ZNF667: variants seen among roughly 807,000 people sequenced by gnomAD.
ZNF667 encodes myocardial ischemic preconditioning upregulated 1 ortholog.
ZNF667 carries 13 observed loss-of-function variants against 31.8 expected under a neutral mutation model. The ratio of observed to expected loss-of-function variants is 0.41; its 90% confidence interval spans 0.27 to 0.65. The LOEUF is 0.65. Ranked by LOEUF, ZNF667 falls within the 30% of genes least tolerant of loss-of-function variation. The pLI is 0.32. For missense variants in ZNF667, 642 were observed against 725.6 expected (o/e 0.88, Z 1.32); for synonymous variants, 228 against 247.1 (o/e 0.92, Z 0.73).
intron 6 of ZNF667, among the ~76,000 whole-genome samples, chr19:56,447,131 C>T (rs1439714769): frequency 6.7e-6 from 1 of 149,692 alleles, no homozygotes; most frequent in Non-Finnish European, 1.5e-5. Context: ...AATGCCAATA[C>T]TTCCAATCAC....
chr19:56,441,176 C>G lies in ZNF667; in HGVS notation c.1819G>C (p.Glu607Gln). 6.2e-7 allele frequency: 1 copy of G among 1,601,320 alleles called. No individual in the cohort carries two copies. The highest frequency in any genetic ancestry group is 1.7e-4 in the Middle Eastern group (1 of 5,968). The part of the protein sequence containing the change: ...SLIRHQNTHS[E>Q]EKA ...TTAAAACAACCTTAGGCTTTTTCTTCAGAATGTGTATTCTGATGTCGAATC... is the reference window on the plus strand; with the variant it reads ...TTAAAACAACCTTAGGCTTTTTCTTGAGAATGTGTATTCTGATGTCGAATC... The change falls in exon 7 of 7, where the codon GAA (glutamate) becomes CAA (glutamine). Residue 607 changes from glutamate to glutamine, a missense_variant. Physicochemically the swap from Glu to Gln is conservative, Grantham distance 29. Coordinates refer to ENST00000504904, the MANE Select transcript of ZNF667 (RefSeq NM_001321356.2). The surrounding 1 kb of genome is among the most constrained non-coding windows in gnomAD (Gnocchi z 4.2).
chr19:56,459,209 T>C (rs2042994021), intron 5 of ZNF667, among the ~76,000 whole-genome samples: 1 of 152,196 alleles, frequency 6.6e-6, no homozygotes, highest in African/African-American at 2.4e-5. Flanking sequence ...TTATAGCCAG[T>C]AGAGTTGTTA....
At chr19:56,452,977 A>C (rs981371477) in intron 6 of ZNF667, among the ~76,000 whole-genome samples, 1 of 152,134 alleles carries the variant, frequency 6.6e-6, no homozygotes, top group Non-Finnish European at 1.5e-5. Context: ...AAACATAAAC[A>C]GAATTGACAA....
At chr19:56,465,490 A>G (rs1267091373) in intron 3 of ZNF667, among the ~76,000 whole-genome samples, 1 of 152,272 alleles carries the variant, frequency 6.6e-6, no homozygotes, top group East Asian at 1.9e-4. Flanking sequence ...AATTATTAAC[A>G]AGATGAATAA....
rs762491844 is a variant in ZNF667, at chr19:56,442,706, G to A, written c.289C>T (p.Pro97Ser). Residue 97 changes from proline (P) to serine (S), a missense_variant, in exon 7 of 7, where the codon CCA (proline) becomes TCA (serine). Physicochemically the swap from Pro to Ser is moderately conservative, Grantham distance 74. Transcript: ENST00000504904. ...GSKCETKKLPPNQCNKSGQSI... is the reference protein window; with the variant it reads ...GSKCETKKLPSNQCNKSGQSI... ...TGCCCAGATTTGTTGCATTGATTTGGAGGTAACTTCTTGGTCTCACATTTA... is the reference window on the plus strand; with the variant it reads ...TGCCCAGATTTGTTGCATTGATTTGAAGGTAACTTCTTGGTCTCACATTTA... 1 of 1,602,776 alleles carries A rather than the reference G, an allele frequency of 6.2e-7. No individual in the cohort carries two copies. The highest frequency in any genetic ancestry group is 1.3e-5 in the African/African-American group (1 of 74,382).
intron 2 of ZNF667, chr19:56,472,520 T>G (rs1045467313): frequency 2.0e-5 from 3 of 152,218 alleles, no homozygotes; most frequent in Non-Finnish European, 2.9e-5. Flanking sequence ...GCCTCCCCCT[T>G]CCGGCTCCTC....
chr19:56,464,722 C>G (rs763605769), intron 3 of ZNF667, among the ~76,000 whole-genome samples: 69 of 152,256 alleles, frequency 4.5e-4, no homozygotes, highest in East Asian at 1.7e-3. Context: ...GTACCTCCCC[C>G]CTCCCTAAAC....
At chr19:56,472,834 C>A (rs1277968766) in intron 2 of ZNF667, 1 of 152,128 alleles carries the variant, frequency 6.6e-6, no homozygotes, top group Non-Finnish European at 1.5e-5. Flanking sequence ...GGATTTTCTA[C>A]AGTACAGGGG....
At chr19:56,473,579 A>C (rs2043339149) in intron 2 of ZNF667, among the ~76,000 whole-genome samples, 1 of 152,188 alleles carries the variant, frequency 6.6e-6, no homozygotes, top group African/African-American at 2.4e-5. Flanking sequence ...GGAAAACTGC[A>C]ATGTCTGAGG....
Position 56,448,270 on chromosome 19 carries a change from C to T in ZNF667, c.254-5529G>A, listed in dbSNP as rs1300894833. The stretch of plus-strand genomic sequence containing the variant: ...ACGTGGGGCAGAATTTGGCCAGCAC[C>T]CCCAGAGGAAGCATTTAAATCAGCT... On this transcript the variant is annotated intron_variant, in intron 6 of 6. Transcript: ENST00000504904. Among the ~76,000 whole-genome samples, 3 of 152,042 alleles carry T rather than the reference C, an allele frequency of 2.0e-5. No individual in the cohort carries two copies. The East Asian group carries it at 5.8e-4, about 29-fold the overall frequency.
chr19:56,458,816 CT>C (rs2147768816), intron 5 of ZNF667, among the ~76,000 whole-genome samples: 1 of 152,318 alleles, frequency 6.6e-6, no homozygotes, highest in African/African-American at 2.4e-5. Flanking sequence ...GGCTGTTCAA[CT>C]GCATCCTCTG....
intron 6 of ZNF667, among the ~76,000 whole-genome samples, chr19:56,448,432 A>G (rs1236419592): frequency 1.3e-5 from 2 of 152,080 alleles, no homozygotes; most frequent in East Asian, 3.9e-4. Flanking sequence ...TCCTGGGCAA[A>G]TCCTAGTGCT....
intron 6 of ZNF667, among the ~76,000 whole-genome samples, chr19:56,451,848 G>A (rs1454603050): frequency 2.6e-5 from 3 of 115,518 alleles, no homozygotes; most frequent in Non-Finnish European, 4.9e-5. Flanking sequence ...CAGCCTGGGT[G>A]ACAGAGCAAG....
At chr19:56,475,275 T>C (rs1175452562) in intron 1 of ZNF667, 3 of 152,202 alleles carry the variant, frequency 2.0e-5, no homozygotes, top group South Asian at 2.1e-4. Flanking sequence ...GCCCAATCCA[T>C]GGTAGGCACT....
Position 56,442,488 on chromosome 19 carries a change from C to T in ZNF667, c.507G>A (p.Glu169=), listed in dbSNP as rs2042631020. 6.2e-7 allele frequency: 1 copy of T among 1,613,568 alleles called. No individual in the cohort carries two copies. The highest frequency in any genetic ancestry group is 8.5e-7 in the Non-Finnish European group (1 of 1,179,776). Reference sequence around the variant, plus strand: ...TACAATTACTGCATTCAAAAGGCTTCTCTCCTGTATGAATGTTCTGATGAA... The same window carrying T: ...TACAATTACTGCATTCAAAAGGCTTTTCTCCTGTATGAATGTTCTGATGAA... ...LKLHQNIHTG[E]KPFECSNCRK... The change falls in exon 7 of 7, where the codon GAG becomes GAA. Residue 169 remains glutamate (E), a synonymous_variant. Transcript: ENST00000504904.
At chr19:56,455,587 A>T (rs2042914421) in intron 6 of ZNF667, among the ~76,000 whole-genome samples, 1 of 152,212 alleles carries the variant, frequency 6.6e-6, no homozygotes, top group African/African-American at 2.4e-5. Context: ...GAACTCATGG[A>T]TATAAGAGAG....
intron 1 of ZNF667, among the ~76,000 whole-genome samples, chr19:56,476,530 G>C (rs761609041): frequency 9.2e-5 from 14 of 152,178 alleles, no homozygotes; most frequent in Non-Finnish European, 1.6e-4. Context: ...GACAAGCTCT[G>C]TGCAGGGTGT....
chr19:56,463,605 G>A (rs1188123352), intron 3 of ZNF667, among the ~76,000 whole-genome samples: 1 of 151,902 alleles, frequency 6.6e-6, no homozygotes, highest in African/African-American at 2.4e-5. Flanking sequence ...TTGGCTCACT[G>A]CAACCTCAAC....
At chr19:56,450,533 AACAC>A (rs1351090760) in intron 6 of ZNF667, among the ~76,000 whole-genome samples, 1 of 152,200 alleles carries the variant, frequency 6.6e-6, no homozygotes, top group Non-Finnish European at 1.5e-5. Flanking sequence ...CTGAACATAC[AACAC>A]TCACTAGCAA....
Sources: gnomAD v4.1 joint callset for allele counts (sites outside exome capture counted in the v4.1 genomes callset) on GRCh38, gnomAD v4.1.1 for gene constraint, Gnocchi (gnomAD v3.1) non-coding constraint, MANE v1.5 for transcripts, NCBI Gene and HGNC (gene_info 2026-07-23, HGNC 2026-07-21) for gene names.